HSF2BP: variants seen among roughly 807,000 people sequenced by gnomAD.
The protein encoded by HSF2BP is heat shock factor 2-binding protein.
HSF2BP carries 35 observed loss-of-function variants against 35.0 expected under a neutral mutation model. The ratio of observed to expected loss-of-function variants is 1.00; its 90% CI spans 0.76 to 1.32. HSF2BP has a LOEUF of 1.32. Among genes scored for constraint, HSF2BP ranks in the 40% most tolerant of loss-of-function variants. The pLI is 0.00. For missense variants in HSF2BP, 326 were observed against 321.7 expected, an observed-to-expected ratio of 1.01 and a Z score of -0.10; for synonymous variants, 114 against 117.4, an observed-to-expected ratio of 0.97 and a Z score of 0.18.
intron 8 of HSF2BP, among the ~76,000 whole-genome samples, chr21:43,585,206 G>C (rs2081833138): frequency 6.6e-6 from 1 of 152,108 alleles, no homozygotes; most frequent in African/African-American, 2.4e-5. Flanking sequence ...AGCTACTCAG[G>C]AGGCTGGAGC....
intron 4 of HSF2BP, among the ~76,000 whole-genome samples, chr21:43,634,599 G>C (rs1429437298): frequency 1.3e-5 from 2 of 152,104 alleles, no homozygotes; most frequent in Admixed American, 6.5e-5. Context: ...CAAAACTGTT[G>C]ACCTCATAAC....
chr21:43,603,499 C>T (rs1601649938), intron 7 of HSF2BP, among the ~76,000 whole-genome samples: 3 of 152,258 alleles, frequency 2.0e-5, no homozygotes, highest in Non-Finnish European at 2.9e-5. Flanking sequence ...CTGCACTGAA[C>T]TGCCGCAGCC....
the HSF2BP span, among the ~76,000 whole-genome samples, chr21:43,467,592 C>G: frequency 7.3e-5 from 11 of 150,654 alleles, no homozygotes; most frequent in Non-Finnish European, 1.5e-4. Context: ...TCCCCTTAGC[C>G]TGAGCTTGGC....
chr21:43,573,782 G>A (rs1204869170), intron 8 of HSF2BP, among the ~76,000 whole-genome samples: 1 of 152,116 alleles, frequency 6.6e-6, no homozygotes, highest in Non-Finnish European at 1.5e-5. Context: ...CATCAGTAGA[G>A]CTGGCACTGT....
At chr21:43,467,756 ACC>A in the HSF2BP span, among the ~76,000 whole-genome samples, 5 of 71,344 alleles carry the variant, frequency 7.0e-5, no homozygotes, top group African/African-American at 3.3e-4. Flanking sequence ...CACACCACAC[ACC>A]CACACACCAC....
chr21:43,641,013 T>C (rs920820964), intron 4 of HSF2BP, among the ~76,000 whole-genome samples: 2 of 152,200 alleles, frequency 1.3e-5, no homozygotes, highest in African/African-American at 4.8e-5. Flanking sequence ...CTTTCTGTAG[T>C]TCATTCTGTA....
intron 3 of HSF2BP, among the ~76,000 whole-genome samples, chr21:43,649,760 A>G (rs970176964): frequency 7.9e-5 from 12 of 152,228 alleles, no homozygotes; most frequent in African/African-American, 2.9e-4. Context: ...AAGACAATGA[A>G]GATTTAAACA....
chr21:43,579,987 G>A (rs1568882380), intron 8 of HSF2BP, among the ~76,000 whole-genome samples: 1 of 152,206 alleles, frequency 6.6e-6, no homozygotes, highest in Non-Finnish European at 1.5e-5. Flanking sequence ...TACAGGAGGA[G>A]AGGGGCCAGC....
At chr21:43,613,335 A>T (rs1476397129) in intron 7 of HSF2BP, among the ~76,000 whole-genome samples, 1 of 152,176 alleles carries the variant, frequency 6.6e-6, no homozygotes, top group African/African-American at 2.4e-5. Flanking sequence ...AGCCACTTCA[A>T]AGTGCCCAGA....
intron 8 of HSF2BP, among the ~76,000 whole-genome samples, chr21:43,579,387 T>C (rs1464388820): frequency 6.6e-6 from 1 of 152,256 alleles, no homozygotes; most frequent in East Asian, 1.9e-4. Flanking sequence ...GCAAGCATTA[T>C]ATTTTAGTAG....
At chr21:43,631,981 C>CT in intron 5 of HSF2BP, among the ~76,000 whole-genome samples, 1 of 56,684 alleles carries the variant, frequency 1.8e-5, no homozygotes, top group Admixed American at 2.1e-4. Flanking sequence ...CACACACGCT[C>CT]CCCACACACA....
chr21:43,596,880 C>G (rs1164627459), intron 7 of HSF2BP, among the ~76,000 whole-genome samples: 2 of 110,992 alleles, frequency 1.8e-5, no homozygotes, highest in African/African-American at 7.7e-5. Flanking sequence ...GAGCAGGACC[C>G]TGTCTCAAAA....
intron 7 of HSF2BP, among the ~76,000 whole-genome samples, chr21:43,602,426 C>A (rs17004587): frequency 0.041 from 6,234 of 152,254 alleles, 440 homozygotes; most frequent in African/African-American, 0.14. Context: ...CTCATTTGCC[C>A]ACAAAGGTGA....
At chr21:43,588,098 C>A (rs2081878753) in intron 8 of HSF2BP, among the ~76,000 whole-genome samples, 1 of 152,222 alleles carries the variant, frequency 6.6e-6, no homozygotes, top group African/African-American at 2.4e-5. Context: ...CCAGTACTGG[C>A]CCGGCACGGT....
Position 43,633,172 on chromosome 21 carries a change from A to T in HSF2BP, c.441+100T>A. 3.1e-6 allele frequency: 4 copies of T among 1,271,484 alleles called. No individual in the cohort carries two copies. In the South Asian group the frequency reaches 5.0e-5, roughly 16 times the overall value. 78.8% of individuals were successfully genotyped at this position (1,271,484 alleles called of 1,614,324 possible). On this transcript the variant is annotated intron_variant, in intron 5 of 8. Transcript: ENST00000291560. ...TGATGAGTGAACAAAAGAAAATGGA[A>T]AGATATGGACTTAGTCTTTAAATGC...
intron 8 of HSF2BP, among the ~76,000 whole-genome samples, chr21:43,587,492 C>G (rs1438016713): frequency 6.6e-6 from 1 of 151,854 alleles, no homozygotes; most frequent in Non-Finnish European, 1.5e-5. Flanking sequence ...ATGGAGAAAC[C>G]GCATCTCTAT....
chr21:43,647,928 CAAAAAAAAAAAA>C (rs774339620), intron 3 of HSF2BP, among the ~76,000 whole-genome samples: 4 of 76,804 alleles, frequency 5.2e-5, no homozygotes, highest in Admixed American at 1.3e-4. Flanking sequence ...GACTTCATCT[CAAAAAAAAAAAA>C]AAAAAAAAAA....
At chr21:43,652,287 C>A (rs762062382) in intron 3 of HSF2BP, among the ~76,000 whole-genome samples, 1 of 151,838 alleles carries the variant, frequency 6.6e-6, no homozygotes, top group African/African-American at 2.4e-5. Flanking sequence ...CCTGTATTCC[C>A]AGCTACTCTG....
chr21:43,651,020 C>T (rs1475046596), intron 3 of HSF2BP, among the ~76,000 whole-genome samples: 1 of 152,098 alleles, frequency 6.6e-6, no homozygotes, highest in Non-Finnish European at 1.5e-5. Flanking sequence ...GTTTACATCT[C>T]TTGCAAACAT....
Sources: allele counts gnomAD v4.1 joint callset (sites outside exome capture counted in the v4.1 genomes callset), GRCh38; gene constraint gnomAD v4.1.1; transcripts MANE v1.5; gene names NCBI Gene and HGNC (gene_info 2026-07-23, HGNC 2026-07-21).